Variants in RGP1 observed in about 807,000 individuals in gnomAD.
The protein encoded by RGP1 is RGP1 partner of RAB6A GEF complex, also known as RAB6A-GEF complex partner protein 2.
In RGP1, 28 loss-of-function variants were observed where a neutral mutation model predicts 44.5. The observed-to-expected ratio is 0.63, with a 90% CI of 0.47 to 0.86. The LOEUF (loss-of-function observed/expected upper bound fraction) is 0.86. RGP1 is among the 40% of genes least tolerant of loss of function. The probability of loss-of-function intolerance (pLI) is 0.00; values close to 1 mark genes in which losing one functional copy is unlikely to be tolerated. For synonymous variants in RGP1, 212 were observed against 196.7 expected, an observed-to-expected ratio of 1.08 and a Z score of -0.65; for missense variants, 417 against 490.7, an observed-to-expected ratio of 0.85 and a Z score of 1.42.
chr9:35,772,572 T>C, the RGP1 span, among the ~76,000 whole-genome samples: 1 of 152,022 alleles, frequency 6.6e-6, no homozygotes, highest in Non-Finnish European at 1.5e-5. Context: ...GGCAGGCGGA[T>C]CATGAGGTCA....
rs1032818013 is a variant in RGP1, at chr9:35,757,124, C to T, written c.*4250C>T. On this transcript the variant is annotated 3_prime_UTR_variant, in exon 9 of 9. Transcript: ENST00000378078. ...AGGCCCGGCCGGGCGGCGCTCCAGCCTCGGGGCAGGTGCGCGGAGAGGAAG... is the reference window on the plus strand; with the variant it reads ...AGGCCCGGCCGGGCGGCGCTCCAGCTTCGGGGCAGGTGCGCGGAGAGGAAG... The T allele has an allele frequency of 2.0e-5, 3 of 152,434 alleles. No homozygotes were observed. The highest frequency in any genetic ancestry group is 4.1e-4 in the South Asian group (2 of 4,838). 9.4% of individuals were successfully genotyped at this position (152,434 alleles called of 1,614,324 possible).
At chr9:35,787,441 G>A in the RGP1 span, among the ~76,000 whole-genome samples, 9 of 152,300 alleles carry the variant, frequency 5.9e-5, no homozygotes, top group Admixed American at 5.9e-4. Flanking sequence ...TGTTGGCCAG[G>A]CTGATCTTGA....
rs760799263 is a variant in RGP1 at position 35,752,647 on chromosome 9, A to C, written c.953-4A>C. ...GCTTCTACCTTAATCTTTTTCTTCC[A>C]TAGTGTCCTTGAAGTGGAGATTGCA... On this transcript the variant is annotated splice_polypyrimidine_tract_variant and splice_region_variant and intron_variant, in intron 8 of 8. Coordinates refer to ENST00000378078, the MANE Select transcript of RGP1 (RefSeq NM_001080496.3). The C allele has an allele frequency of 1.2e-6, 2 of 1,603,866 alleles. No individual in the cohort carries two copies. The highest frequency in any genetic ancestry group is 8.5e-7 in the Non-Finnish European group (1 of 1,174,098).
chr9:35,771,431 G>A, the RGP1 span, among the ~76,000 whole-genome samples: 1 of 152,154 alleles, frequency 6.6e-6, no homozygotes, highest in Non-Finnish European at 1.5e-5. Context: ...AGATGTTAAG[G>A]TTAGTAGTTC....
At position 35,753,959 on chromosome 9, in the gene RGP1, C is replaced by T; in HGVS notation, c.*1085C>T. ...TAAGGCCCCATCCTCCCTGTGCCCT[C>T]TCTGCTGCTCCTCCATTCCTAACGC... On this transcript the variant is annotated 3_prime_UTR_variant, in exon 9 of 9. Coordinates refer to ENST00000378078, the MANE Select transcript of RGP1 (RefSeq NM_001080496.3). The surrounding 1 kb of genome is among the most constrained non-coding windows in gnomAD (Gnocchi z 4.2). 1 of 1,591,898 alleles carries T rather than the reference C, an allele frequency of 6.3e-7. No individual in the cohort carries two copies.
chr9:35,749,517 A>T lies in RGP1; in HGVS notation c.-20+109A>T, dbSNP rs1263301935. 1 of 676,022 alleles carries T rather than the reference A, an allele frequency of 1.5e-6. No homozygotes were observed. Among genetic ancestry groups the T allele is most frequent in the African/African-American group, 1.8e-5 (1 of 56,698 alleles). The allele number at this position is 676,022 out of a possible 1,614,324, so 41.9% of individuals were successfully genotyped here. A position where few individuals can be genotyped will look rare whatever the true frequency, so the allele number is the denominator to read the frequency against. On this transcript the variant is annotated intron_variant, in intron 1 of 8. Coordinates refer to ENST00000378078, the MANE Select transcript of RGP1 (RefSeq NM_001080496.3). The surrounding 1 kb of genome is among the most constrained non-coding windows in gnomAD (Gnocchi z 4.4). ...GTGCCCAGGGAGAAGAACCCGTCGC[A>T]CAGGGGCTGGGGTCTAGGGCCCAGA... is the stretch of plus-strand genomic sequence containing the variant.
the RGP1 span, among the ~76,000 whole-genome samples, chr9:35,788,456 C>T: frequency 6.6e-6 from 1 of 151,950 alleles, no homozygotes; most frequent in East Asian, 1.9e-4. Flanking sequence ...ATCCCAGCTA[C>T]TTGGAAGGCT....
chr9:35,783,859 A>C, the RGP1 span, among the ~76,000 whole-genome samples: 2 of 152,286 alleles, frequency 1.3e-5, no homozygotes, highest in South Asian at 4.1e-4. Context: ...TTTTTTGAGA[A>C]ACCTCTATAC....
the RGP1 span, among the ~76,000 whole-genome samples, chr9:35,765,083 C>T: frequency 6.7e-6 from 1 of 149,086 alleles, no homozygotes; most frequent in Non-Finnish European, 1.5e-5. Context: ...AAGATGGCGC[C>T]ACTGCACTCC....
the RGP1 span, among the ~76,000 whole-genome samples, chr9:35,763,967 AAGG>A: frequency 1.3e-5 from 2 of 151,686 alleles, no homozygotes; most frequent in Non-Finnish European, 2.9e-5. Context: ...GAGATTGAGA[AAGG>A]AGAGAGAGGA....
At position 35,755,602 on chromosome 9, in the gene RGP1, T is replaced by G; in HGVS notation, c.*2728T>G. 6.6e-6 allele frequency: 1 copy of G among 152,214 alleles called. No homozygotes were observed. The highest frequency in any genetic ancestry group is 2.1e-4 in the South Asian group (1 of 4,836). 9.4% of individuals were successfully genotyped at this position (152,214 alleles called of 1,614,324 possible). On this transcript the variant is annotated 3_prime_UTR_variant, in exon 9 of 9. Transcript: ENST00000378078. ...TCTCAGATCATCAGGCATTAGATTC[T>G]CATAAGGAGTGTGCAATCTAGATCC...
chr9:35,771,650 G>A, the RGP1 span, among the ~76,000 whole-genome samples: 1 of 152,192 alleles, frequency 6.6e-6, no homozygotes, highest in Non-Finnish European at 1.5e-5. Flanking sequence ...TGGAAGAGAA[G>A]GGAGGCAGTT....
At chr9:35,752,173 G>A (rs780775089) in intron 8 of RGP1, 28 bp downstream of exon 8, 95 of 1,522,216 alleles carry the variant, frequency 6.2e-5, no homozygotes, top group Non-Finnish European at 2.1e-5. Context: ...ACTGGAGAAG[G>A]GAGAGGGGGA....
At chr9:35,781,770 C>T in the RGP1 span, among the ~76,000 whole-genome samples, 221 of 151,758 alleles carry the variant, frequency 1.5e-3, 4 homozygotes, top group East Asian at 0.032. Context: ...TCTGTTATTG[C>T]TTATCCTAAC....
chr9:35,751,894 G>T (rs1827271494), intron 7 of RGP1, 62 bp from the exon 8 acceptor site: 1 of 1,556,898 alleles, frequency 6.4e-7, no homozygotes, highest in Admixed American at 1.8e-5. Context: ...GCTTGAGGTT[G>T]GGCTGTCCTC....
At chr9:35,773,407 G>T in the RGP1 span, among the ~76,000 whole-genome samples, 1 of 151,914 alleles carries the variant, frequency 6.6e-6, no homozygotes, top group African/African-American at 2.4e-5. Context: ...AGAAAGAAAA[G>T]AAAAGAAAAG....
Position 35,753,116 on chromosome 9 carries a change from G to A in RGP1, c.*242G>A, listed in dbSNP as rs1827296626. On this transcript the variant is annotated 3_prime_UTR_variant, in exon 9 of 9. Transcript: ENST00000378078. This position sits in a 1 kb window ranked among gnomAD's most constrained non-coding sequence, Gnocchi z 4.2. ...CAGTTGAGTTTAGCTGGAGTGGGGAGCAGGAGCCCCAGGAACAGGGGTGTT... is the reference window on the plus strand; with the variant it reads ...CAGTTGAGTTTAGCTGGAGTGGGGAACAGGAGCCCCAGGAACAGGGGTGTT... The A allele has an allele frequency of 1.2e-6, 2 of 1,613,920 alleles. No homozygotes were observed. Among genetic ancestry groups the A allele is most frequent in the African/African-American group, 1.3e-5 (1 of 74,950 alleles).
the RGP1 span, among the ~76,000 whole-genome samples, chr9:35,771,228 G>A: frequency 6.6e-6 from 1 of 152,058 alleles, no homozygotes; most frequent in Middle Eastern, 3.4e-3. Flanking sequence ...GGCAAGTCCC[G>A]GAACCAGTGT....
the RGP1 span, among the ~76,000 whole-genome samples, chr9:35,767,130 G>T: frequency 6.6e-6 from 1 of 152,104 alleles, no homozygotes; most frequent in African/African-American, 2.4e-5. Flanking sequence ...AGAGAAAAGG[G>T]AATCTGGGGC....
Sources: gnomAD v4.1 joint callset for allele counts (sites outside exome capture counted in the v4.1 genomes callset) on GRCh38, gnomAD v4.1.1 for gene constraint, Gnocchi (gnomAD v3.1) non-coding constraint, MANE v1.5 for transcripts, NCBI Gene and HGNC (gene_info 2026-07-23, HGNC 2026-07-21) for gene names.